The following AK9 variants were observed in gnomAD, a reference collection of about 807,000 sequenced individuals.
AK9 encodes the protein adenylate kinase 9.
Under a neutral mutation model 239.6 loss-of-function variants are expected in AK9, and 191 were observed. That is an observed-to-expected ratio of 0.80 (90% CI 0.71 to 0.90). The LOEUF is 0.90. AK9 is among the 40% of genes least tolerant of loss of function. The probability of loss-of-function intolerance (pLI) is 0.00; values close to 1 mark genes in which losing one functional copy is unlikely to be tolerated. For synonymous variants in AK9, 689 were observed against 721.0 expected (o/e 0.96, Z 0.71); for missense variants, 1,995 against 2,214.7 (o/e 0.90, Z 1.99).
At position 109,662,667 on chromosome 6, in the gene AK9, T is replaced by C. The variant is rs1455930709; in HGVS notation, c.332-4A>G. 2.8e-6 allele frequency: 4 copies of C among 1,450,324 alleles called. No homozygotes were observed. Among genetic ancestry groups the C allele is most frequent in the South Asian group, 3.2e-5 (2 of 62,736 alleles). The allele number at this position is 1,450,324 out of a possible 1,614,324, so 89.8% of individuals were successfully genotyped here. A position where few individuals can be genotyped will look rare whatever the true frequency, so the allele number is the denominator to read the frequency against. ...GGTATTTCAGTGATAATATAACCTG[T>C]AAAGTAAAATATAATTTTAAAACTT... On this transcript the variant is annotated splice_region_variant and splice_polypyrimidine_tract_variant and intron_variant, in intron 5 of 40. Coordinates refer to ENST00000424296, the MANE Select transcript of AK9 (RefSeq NM_001145128.3).
chr6:109,520,327 T>C (rs1779703990), intron 29 of AK9, among the ~76,000 whole-genome samples: 1 of 152,226 alleles, frequency 6.6e-6, no homozygotes, highest in South Asian at 2.1e-4. Flanking sequence ...TTCATTCTTC[T>C]GCATATGAAT....
chr6:109,660,392 T>C (rs897938741), intron 6 of AK9, among the ~76,000 whole-genome samples: 1 of 152,190 alleles, frequency 6.6e-6, no homozygotes, highest in Non-Finnish European at 1.5e-5. Flanking sequence ...GCTTAGATTC[T>C]TCAACAAGCA....
intron 3 of AK9, 102 bp from the exon 4 acceptor site, chr6:109,672,269 G>T: frequency 9.8e-7 from 1 of 1,018,302 alleles, no homozygotes; most frequent in Non-Finnish European, 1.5e-6. Context: ...ATTAACATTT[G>T]TGCATCACTT....
At chr6:109,681,076 G>A (rs1583564346) in intron 1 of AK9, among the ~76,000 whole-genome samples, 1 of 152,156 alleles carries the variant, frequency 6.6e-6, no homozygotes, top group Non-Finnish European at 1.5e-5. Context: ...CATAGTGACA[G>A]GATCAAATTC....
intron 1 of AK9, among the ~76,000 whole-genome samples, chr6:109,677,958 C>T (rs1301223057): frequency 6.6e-6 from 1 of 152,168 alleles, no homozygotes; most frequent in African/African-American, 2.4e-5. Flanking sequence ...ATCCCTCATA[C>T]ATTGCTGGTG....
intron 1 of AK9, among the ~76,000 whole-genome samples, chr6:109,675,976 T>C (rs1411959993): frequency 6.6e-6 from 1 of 152,070 alleles, no homozygotes; most frequent in Non-Finnish European, 1.5e-5. Context: ...ATATGTTGTA[T>C]AAAAGAGAGC....
At chr6:109,637,048 C>T (rs1267442145) in intron 10 of AK9, among the ~76,000 whole-genome samples, 1 of 152,178 alleles carries the variant, frequency 6.6e-6, no homozygotes. Context: ...CATTTCTCCT[C>T]ATCAACATTT....
chr6:109,611,352 C>T (rs896270074), intron 16 of AK9, among the ~76,000 whole-genome samples: 18 of 152,120 alleles, frequency 1.2e-4, no homozygotes, highest in South Asian at 2.1e-4. Flanking sequence ...CCCATGGGAG[C>T]GGGTGCATAG....
At chr6:109,689,007 AC>A (rs1773916612) in intron 1 of AK9, among the ~76,000 whole-genome samples, 1 of 152,164 alleles carries the variant, frequency 6.6e-6, no homozygotes, top group Admixed American at 6.5e-5. Flanking sequence ...TTACAATGAC[AC>A]AGTAACCAAG....
chr6:109,662,870 C>A (rs1011454093), intron 5 of AK9, among the ~76,000 whole-genome samples: 3 of 151,828 alleles, frequency 2.0e-5, no homozygotes, highest in Non-Finnish European at 4.4e-5. Flanking sequence ...ATAAAGAAAT[C>A]ACTGGACTAG....
In AK9 at chr6:109,509,352, C is replaced by T; in HGVS notation, c.4308G>A (p.Gly1436=). 1 of 1,550,306 alleles carries T rather than the reference C, an allele frequency of 6.5e-7. No individual in the cohort carries two copies. Among genetic ancestry groups the T allele is most frequent in the South Asian group, 1.2e-5 (1 of 83,852 alleles). The change falls in exon 33 of 41, where the codon GGG becomes GGA. Residue 1436 remains glycine (G), a synonymous_variant. Transcript: ENST00000424296. The part of the protein sequence containing the change: ...TVAKKITSEY[G]LKHLSIGGAL... ...CTCCTCCTATTGATAAATGCTTTAA[C>T]CCATATTCACTTGTAATTTTTTTGG...
chr6:109,690,125 AT>A (rs1016385689), intron 1 of AK9, among the ~76,000 whole-genome samples: 3 of 151,754 alleles, frequency 2.0e-5, no homozygotes, highest in East Asian at 1.9e-4. Context: ...TAATTCTATA[AT>A]TTTTTTTTAA....
At chr6:109,563,451 G>C in intron 24 of AK9, 146 bp downstream of exon 24, 1 of 1,251,848 alleles carries the variant, frequency 8.0e-7, no homozygotes, top group Non-Finnish European at 1.0e-6. Flanking sequence ...TTTCAGGGGG[G>C]TCAAGTGAAG....
chr6:109,525,497 C>A (rs1780374882), intron 29 of AK9, among the ~76,000 whole-genome samples: 1 of 152,046 alleles, frequency 6.6e-6, no homozygotes, highest in Admixed American at 6.6e-5. Context: ...AAAAAATGGG[C>A]ACAAGACATA....
At chr6:109,493,948 G>A (rs1246240847) in intron 40 of AK9, 33 bp downstream of exon 40, 1 of 1,461,402 alleles carries the variant, frequency 6.8e-7, no homozygotes, top group Non-Finnish European at 9.5e-7. Flanking sequence ...TGTTAAATTT[G>A]TTCTGAGTAG....
At chr6:109,591,339 T>C (rs1315516142) in intron 17 of AK9, among the ~76,000 whole-genome samples, 2 of 152,206 alleles carry the variant, frequency 1.3e-5, no homozygotes, top group Non-Finnish European at 2.9e-5. Flanking sequence ...GTATAGCTAC[T>C]CCTATTTGCT....
At chr6:109,642,386 T>C (rs952095667) in intron 9 of AK9, among the ~76,000 whole-genome samples, 1 of 152,172 alleles carries the variant, frequency 6.6e-6, no homozygotes, top group African/African-American at 2.4e-5. Flanking sequence ...TGGTAGCCTG[T>C]GACAGACTGT....
intron 32 of AK9, among the ~76,000 whole-genome samples, chr6:109,512,832 G>A: frequency 6.6e-6 from 1 of 152,170 alleles, no homozygotes. Flanking sequence ...TTTATCAAAT[G>A]CCTTTCCAGA....
intron 29 of AK9, among the ~76,000 whole-genome samples, chr6:109,518,481 C>G (rs1242981455): frequency 4.6e-5 from 7 of 151,932 alleles, no homozygotes; most frequent in East Asian, 1.9e-4. Context: ...GCTCCTACAA[C>G]TTTTTATTAA....
Sources: gnomAD v4.1 joint callset for allele counts (sites outside exome capture counted in the v4.1 genomes callset) on GRCh38, gnomAD v4.1.1 for gene constraint, MANE v1.5 for transcripts, NCBI Gene and HGNC (gene_info 2026-07-23, HGNC 2026-07-21) for gene names.